Variants in ADGB observed in about 807,000 individuals in gnomAD.
The protein encoded by ADGB is androglobin.
ADGB carries 172 observed loss-of-function variants against 210.5 expected under a neutral mutation model. That is an observed-to-expected ratio of 0.82 (90% CI 0.72 to 0.93). The LOEUF is 0.93. Among genes scored for constraint, ADGB ranks in the 40% least tolerant of loss-of-function variants. The pLI, the probability that ADGB is intolerant of heterozygous loss-of-function variation, is 0.00. For synonymous variants in ADGB, 658 were observed against 662.7 expected, an observed-to-expected ratio of 0.99 and a Z score of 0.11; for missense variants, 2,025 against 1,964.8, an observed-to-expected ratio of 1.03 and a Z score of -0.58.
intron 1 of ADGB, among the ~76,000 whole-genome samples, chr6:146,604,579 A>AG (rs2114823340): frequency 6.6e-6 from 1 of 152,178 alleles, no homozygotes; most frequent in South Asian, 2.1e-4. Flanking sequence ...AAAAAAAAAA[A>AG]GATCAACTTC....
At chr6:146,643,309 A>T (rs547139822) in intron 2 of ADGB, among the ~76,000 whole-genome samples, 2 of 151,918 alleles carry the variant, frequency 1.3e-5, no homozygotes, top group Non-Finnish European at 2.9e-5. Context: ...CCTGTTTCTC[A>T]GGCCACACCG....
chr6:146,633,591 CT>C (rs1190036229), intron 1 of ADGB, among the ~76,000 whole-genome samples: 2 of 152,090 alleles, frequency 1.3e-5, no homozygotes, highest in African/African-American at 4.8e-5. Context: ...CTGGAATACT[CT>C]TCCTTCCTGT....
chr6:146,804,033 T>C (rs927711753), intron 35 of ADGB, among the ~76,000 whole-genome samples: 1 of 152,152 alleles, frequency 6.6e-6, no homozygotes, highest in Non-Finnish European at 1.5e-5. Context: ...GAATTGCAGA[T>C]CACCACTTCA....
At chr6:146,792,596 C>T (rs1777969065) in intron 33 of ADGB, among the ~76,000 whole-genome samples, 1 of 151,806 alleles carries the variant, frequency 6.6e-6, no homozygotes, top group Admixed American at 6.6e-5. Context: ...GGCATGGAAG[C>T]TCAAGCCCCA....
Position 146,700,528 on chromosome 6 carries a change from G to C in ADGB, c.1578-413G>C, listed in dbSNP as rs138999335. 1.2e-4 allele frequency among the ~76,000 whole-genome samples: 18 copies of C among 152,098 alleles called. 1 individual carries two copies. The highest frequency in any genetic ancestry group is 1.2e-3 in the Admixed American group (18 of 15,252). ...ACTTGAAAGGAAGACTGTATGCTCG[G>C]GTAGCTGGTATGAATGTCACAGTTA... is the stretch of plus-strand genomic sequence containing the variant. On this transcript the variant is annotated intron_variant, in intron 12 of 35. Transcript: ENST00000397944.
chr6:146,711,617 C>A (rs1467730745), intron 13 of ADGB, among the ~76,000 whole-genome samples: 2 of 152,128 alleles, frequency 1.3e-5, no homozygotes, highest in African/African-American at 4.8e-5. Flanking sequence ...TTCCATTCTC[C>A]CACCTAATTT....
intron 33 of ADGB, among the ~76,000 whole-genome samples, chr6:146,796,982 C>G (rs1362558244): frequency 1.3e-5 from 2 of 152,062 alleles, no homozygotes; most frequent in Admixed American, 6.5e-5. Context: ...CTACAAGGAA[C>G]TCAAACAAAT....
intron 1 of ADGB, among the ~76,000 whole-genome samples, chr6:146,629,684 C>G (rs183502433): frequency 3.3e-5 from 5 of 152,176 alleles, no homozygotes; most frequent in Admixed American, 2.6e-4. Context: ...TTATTTTTAT[C>G]TGTAGGCTTG....
At chr6:146,679,824 C>T (rs1032552627) in intron 9 of ADGB, among the ~76,000 whole-genome samples, 2 of 151,986 alleles carry the variant, frequency 1.3e-5, no homozygotes, top group South Asian at 4.1e-4. Context: ...TTACAAATAC[C>T]GAAGTTCTAT....
chr6:146,672,576 G>T, intron 8 of ADGB, 109 bp downstream of exon 8: 3 of 1,296,558 alleles, frequency 2.3e-6, no homozygotes, highest in South Asian at 1.7e-5. Flanking sequence ...CAGACCCCAA[G>T]AGAGGGTTCT....
chr6:146,633,551 T>C (rs1416557696), intron 1 of ADGB, among the ~76,000 whole-genome samples: 1 of 152,064 alleles, frequency 6.6e-6, no homozygotes, highest in African/African-American at 2.4e-5. Flanking sequence ...TCTGTATTAT[T>C]CTTAAACTAA....
chr6:146,623,784 A>G (rs904088408), intron 1 of ADGB, among the ~76,000 whole-genome samples: 3 of 151,902 alleles, frequency 2.0e-5, no homozygotes, highest in Non-Finnish European at 4.4e-5. Context: ...TTTTGAGATC[A>G]GGATTGACTG....
chr6:146,657,009 T>G, intron 5 of ADGB, 29 bp downstream of exon 5: 1 of 1,505,880 alleles, frequency 6.6e-7, no homozygotes, highest in Non-Finnish European at 9.0e-7. Flanking sequence ...GCATAAAAAC[T>G]CATGAGTCTT....
At chr6:146,803,775 A>C (rs2114667952) in intron 35 of ADGB, 1 of 583,888 alleles carries the variant, frequency 1.7e-6, no homozygotes, top group East Asian at 3.2e-5. Context: ...GCTGACAATC[A>C]GCGCCCGGCA....
At position 146,666,888 on chromosome 6, in the gene ADGB, A is replaced by C; in HGVS notation, c.825A>C (p.Glu275Asp). 6.5e-7 allele frequency: 1 copy of C among 1,545,286 alleles called. No individual in the cohort carries two copies. Among genetic ancestry groups the C allele is most frequent in the Non-Finnish European group, 8.8e-7 (1 of 1,142,130 alleles). The change falls in exon 7 of 36, where the codon GAA becomes GAC. Residue 275 changes from glutamate (E) to aspartate (D), a missense_variant. By Grantham distance (45) the Glu-to-Asp change is conservative. Coordinates refer to ENST00000397944, the MANE Select transcript of ADGB (RefSeq NM_024694.4). Reference sequence around the variant, plus strand: ...ATGCGCTCACAGGATGGTTACCAGAAGTCATTTCTCTTCAGTATGTTTGAC... The same window carrying C: ...ATGCGCTCACAGGATGGTTACCAGACGTCATTTCTCTTCAGTATGTTTGAC... The part of the protein sequence containing the change: ...VIHALTGWLP[E>D]VISLHPGYMD...
intron 32 of ADGB, among the ~76,000 whole-genome samples, chr6:146,787,985 A>T (rs1053062533): frequency 2.6e-5 from 4 of 152,158 alleles, no homozygotes; most frequent in African/African-American, 7.2e-5. Flanking sequence ...TTTTAAGACA[A>T]TTTTAAATAA....
Position 146,788,502 on chromosome 6 carries a change from T to C in ADGB, c.4429T>C (p.Leu1477=). 6.4e-7 allele frequency: 1 copy of C among 1,551,528 alleles called. No individual in the cohort carries two copies. Among genetic ancestry groups the C allele is most frequent in the Non-Finnish European group, 8.7e-7 (1 of 1,146,914 alleles). Residue 1477 remains leucine, a synonymous_variant, in exon 33 of 36, where the codon TTG becomes CTG. Coordinates refer to ENST00000397944, the MANE Select transcript of ADGB (RefSeq NM_024694.4). ...GAGTGCGGTGTGGAAGAAGTGGCAA[T>C]TGACCAAAGGCTTGAGGGATGTGGC... The part of the protein sequence containing the change: ...SGSAVWKKWQ[L]TKGLRDVAKS...
At chr6:146,608,646 A>G (rs1026944353) in intron 1 of ADGB, among the ~76,000 whole-genome samples, 4 of 152,164 alleles carry the variant, frequency 2.6e-5, no homozygotes, top group Non-Finnish European at 5.9e-5. Flanking sequence ...AAGTCATTTC[A>G]GGAGCATGTT....
intron 16 of ADGB, 74 bp from the exon 17 acceptor site, chr6:146,721,329 T>C (rs1776809033): frequency 2.1e-6 from 2 of 952,850 alleles, no homozygotes; most frequent in South Asian, 3.0e-5. Context: ...TGTTATACTA[T>C]GTTTTCATTA....
Sources: gnomAD v4.1 joint callset for allele counts (sites outside exome capture counted in the v4.1 genomes callset) on GRCh38, gnomAD v4.1.1 for gene constraint, MANE v1.5 for transcripts, NCBI Gene and HGNC (gene_info 2026-07-23, HGNC 2026-07-21) for gene names.